Variants in UBE2D3 observed in about 807,000 individuals in gnomAD.
The protein encoded by UBE2D3 is ubiquitin conjugating enzyme E2 D3.
In UBE2D3, 2 loss-of-function variants were observed where a neutral mutation model predicts 22.8. The observed-to-expected ratio is 0.09, with a 90% confidence interval of 0.04 to 0.28. UBE2D3 has a LOEUF of 0.28. Among genes scored for constraint, UBE2D3 ranks in the 10% least tolerant of loss-of-function variants. UBE2D3 has a pLI of 1.00. For missense variants in UBE2D3, 27 were observed against 182.5 expected, an observed-to-expected ratio of 0.15 and a Z score of 4.91; for synonymous variants, 56 against 60.4, an observed-to-expected ratio of 0.93 and a Z score of 0.34.
chr4:102,854,951 T>G (rs1199523600), intron 1 of UBE2D3, among the ~76,000 whole-genome samples: 1 of 152,184 alleles, frequency 6.6e-6, no homozygotes, highest in Non-Finnish European at 1.5e-5. Flanking sequence ...CAGCAACAGA[T>G]CAGGCTTCCT....
At chr4:102,824,460 A>C (rs190239888) in intron 2 of UBE2D3, among the ~76,000 whole-genome samples, 24 of 152,342 alleles carry the variant, frequency 1.6e-4, no homozygotes, top group Admixed American at 1.6e-3. Context: ...CCAATGTCTA[A>C]AACAGTGCCT....
At chr4:102,848,027 G>A (rs1732136067) in intron 1 of UBE2D3, among the ~76,000 whole-genome samples, 2 of 152,108 alleles carry the variant, frequency 1.3e-5, no homozygotes, top group African/African-American at 4.8e-5. Flanking sequence ...TCATCGCCAA[G>A]GTCTGATTTT....
chr4:102,812,844 T>A (rs886832490), intron 2 of UBE2D3: 1 of 152,230 alleles, frequency 6.6e-6, no homozygotes, highest in Non-Finnish European at 1.5e-5. Context: ...TCTAAGCTTT[T>A]AAGACACCTT....
At chr4:102,813,857 T>C (rs1285102501) in intron 2 of UBE2D3, among the ~76,000 whole-genome samples, 3 of 151,964 alleles carry the variant, frequency 2.0e-5, no homozygotes, top group Non-Finnish European at 4.4e-5. Flanking sequence ...CTTCAGAAAA[T>C]GGCCAGTTGT....
At chr4:102,853,089 G>T (rs1280811850) in intron 1 of UBE2D3, among the ~76,000 whole-genome samples, 2 of 150,212 alleles carry the variant, frequency 1.3e-5, no homozygotes, top group Non-Finnish European at 3.0e-5. Context: ...AGCACCTATG[G>T]AGAGAAATTT....
chr4:102,838,830 AAG>A (rs1491063082), intron 1 of UBE2D3, among the ~76,000 whole-genome samples: 37 of 149,104 alleles, frequency 2.5e-4, no homozygotes, highest in African/African-American at 4.2e-4. Flanking sequence ...AAAAAAAAAA[AAG>A]AGGAAAAGGA....
chr4:102,829,735 C>T (rs1228671787), upstream of UBE2D3, among the ~76,000 whole-genome samples: 1 of 151,924 alleles, frequency 6.6e-6, no homozygotes, highest in East Asian at 1.9e-4. Context: ...ATCAGGAGTT[C>T]GAGACCAGCC....
intron 4 of UBE2D3, among the ~76,000 whole-genome samples, chr4:102,805,875 A>G (rs999387185): frequency 6.6e-6 from 1 of 152,202 alleles, no homozygotes; most frequent in Non-Finnish European, 1.5e-5. Context: ...ATAGCAAGCC[A>G]TAACTGAAAG....
exon 1 of UBE2D3, chr4:102,868,778 T>C (rs1259045445): frequency 1.2e-6 from 2 of 1,613,890 alleles, no homozygotes; most frequent in Non-Finnish European, 1.7e-6. Context: ...CACAGTATCC[T>C]TTCTGCTGGT....
chr4:102,827,350 C>T (rs1380634026), intron 1 of UBE2D3, 77 bp downstream of exon 1: 1 of 982,736 alleles, frequency 1.0e-6, no homozygotes, highest in Non-Finnish European at 1.2e-6. Context: ...CGCCCAGGTC[C>T]CGCACTGCCC....
At position 102,814,457 on chromosome 4, in the gene UBE2D3, CTTTTTTTTTT is replaced by C. The variant is rs574701413; in HGVS notation, c.25-4612_25-4603del. On this transcript the variant is annotated intron_variant, in intron 2 of 7. Transcript: ENST00000453744. ...GCACATGCCACCACACCTGGCTATTCTTTTTTTTTTTTTTTTTTTTGTAGTTTTACTAGAG... is the reference window on the plus strand; with the variant it reads ...GCACATGCCACCACACCTGGCTATTCTTTTTTTTTTGTAGTTTTACTAGAG... Among the ~76,000 whole-genome samples the C allele has an allele frequency of 7.6e-5, 9 of 119,120 alleles. No homozygotes were observed. The South Asian group carries it at 1.9e-3, about 25-fold the overall frequency. 78.1% of individuals were successfully genotyped at this position (119,120 alleles called of 152,430 possible). A position where few individuals can be genotyped will look rare whatever the true frequency, so the allele number is the denominator to read the frequency against.
chr4:102,852,867 C>T lies in UBE2D3; in HGVS notation c.-129+15848G>A, dbSNP rs1040831411. On this transcript the variant is annotated intron_variant, in intron 1 of 7. Transcript: ENST00000338145. Reference sequence around the variant, plus strand: ...TTATGCCAGCTATCTATAACAATACCCTTTTACTTGGACCCCTCACCAGCC... The same window carrying T: ...TTATGCCAGCTATCTATAACAATACTCTTTTACTTGGACCCCTCACCAGCC... Among the ~76,000 whole-genome samples, 58 of 152,034 alleles carry T rather than the reference C, an allele frequency of 3.8e-4. 1 individual carries two copies. Among genetic ancestry groups the T allele is most frequent in the Non-Finnish European group, 7.9e-4 (54 of 68,016 alleles).
intron 1 of UBE2D3, among the ~76,000 whole-genome samples, chr4:102,856,686 T>C (rs1457583506): frequency 1.3e-5 from 2 of 152,234 alleles, no homozygotes; most frequent in African/African-American, 4.8e-5. Context: ...ATCATTTTTC[T>C]AGGTATCCTT....
chr4:102,809,779 G>C lies in UBE2D3; in HGVS notation c.88+13C>G, dbSNP rs1727664233. On this transcript the variant is annotated intron_variant, in intron 3 of 7. Coordinates refer to ENST00000453744, the MANE Select transcript of UBE2D3 (RefSeq NM_181891.3). Reference sequence around the variant, plus strand: ...AAAAATTAGGCATAAAAATCAACTTGCAAGTTACTTACTATCATCCCCAAC... The same window carrying C: ...AAAAATTAGGCATAAAAATCAACTTCCAAGTTACTTACTATCATCCCCAAC... The C allele has an allele frequency of 6.2e-7, 1 of 1,613,550 alleles. No individual in the cohort carries two copies. Among genetic ancestry groups the C allele is most frequent in the Non-Finnish European group, 8.5e-7 (1 of 1,179,970 alleles).
chr4:102,833,265 C>A (rs1322730582), intron 1 of UBE2D3, among the ~76,000 whole-genome samples: 1 of 151,838 alleles, frequency 6.6e-6, no homozygotes, highest in Non-Finnish European at 1.5e-5. Flanking sequence ...TGTCTCAGTT[C>A]TCTTACCACT....
At chr4:102,832,305 C>T (rs1398423374), upstream of UBE2D3, among the ~76,000 whole-genome samples, 2 of 151,758 alleles carry the variant, frequency 1.3e-5, no homozygotes, top group South Asian at 2.1e-4. Context: ...GTTGAGGTGG[C>T]GGGGGGAGCG....
intron 1 of UBE2D3, among the ~76,000 whole-genome samples, chr4:102,853,228 C>T (rs1732462827): frequency 1.4e-5 from 2 of 139,826 alleles, no homozygotes. Context: ...CTGCAAGCTC[C>T]GCCTCCCGGG....
At chr4:102,852,645 CT>C (rs1188547232) in intron 1 of UBE2D3, among the ~76,000 whole-genome samples, 3 of 152,126 alleles carry the variant, frequency 2.0e-5, no homozygotes, top group African/African-American at 7.2e-5. Context: ...GTAATTCATT[CT>C]GCTGTTTTCC....
At chr4:102,800,090 T>C in intron 6 of UBE2D3, among the ~76,000 whole-genome samples, 1 of 152,064 alleles carries the variant, frequency 6.6e-6, no homozygotes, top group East Asian at 1.9e-4. Context: ...CAGTTCAACA[T>C]ACTGATGTAT....
Sources: allele counts gnomAD v4.1 joint callset (sites outside exome capture counted in the v4.1 genomes callset), GRCh38; gene constraint gnomAD v4.1.1; transcripts MANE v1.5; gene names NCBI Gene and HGNC (gene_info 2026-07-23, HGNC 2026-07-21).